The following FAT3 variants were observed in gnomAD, a reference collection of about 807,000 sequenced individuals.
The protein encoded by FAT3 is protocadherin Fat 3.
In FAT3, 95 loss-of-function variants were observed where a neutral mutation model predicts 310.2. The ratio of observed to expected loss-of-function variants is 0.31; its 90% CI spans 0.26 to 0.36. The LOEUF is 0.36. Ranked by LOEUF, FAT3 falls within the 10% of genes least tolerant of loss-of-function variation. The pLI is 1.00. For missense variants in FAT3, 5,408 were observed against 5,715.6 expected (o/e 0.95, Z 1.74); for synonymous variants, 2,314 against 2,192.9 (o/e 1.06, Z -1.54).
At chr11:92,268,577 G>A (rs986574075) in intron 1 of FAT3, among the ~76,000 whole-genome samples, 15 of 151,630 alleles carry the variant, frequency 9.9e-5, no homozygotes, top group Admixed American at 4.6e-4. Flanking sequence ...GGTTCCTTGC[G>A]TAGATAGAAG....
intron 13 of FAT3, among the ~76,000 whole-genome samples, chr11:92,818,757 T>C (rs1947886969): frequency 6.6e-6 from 1 of 152,178 alleles, no homozygotes. Flanking sequence ...AAAGCATCAG[T>C]GTGAGATTGG....
At chr11:92,305,899 T>C (rs1227705124) in intron 1 of FAT3, among the ~76,000 whole-genome samples, 1 of 152,104 alleles carries the variant, frequency 6.6e-6, no homozygotes, top group Non-Finnish European at 1.5e-5. Context: ...AATGGAACAA[T>C]TGGTAAAATT....
intron 18 of FAT3, among the ~76,000 whole-genome samples, chr11:92,843,297 T>G (rs1047920886): frequency 3.3e-5 from 5 of 152,196 alleles, no homozygotes; most frequent in Non-Finnish European, 7.4e-5. Context: ...CTCCTGAAGC[T>G]CTGCACTACT....
chr11:92,434,510 G>C (rs142390495), intron 2 of FAT3, among the ~76,000 whole-genome samples: 92 of 152,278 alleles, frequency 6.0e-4, no homozygotes, highest in African/African-American at 2.0e-3. Context: ...AGAAACCTCT[G>C]ATCAGGATGA....
At position 92,347,786 on chromosome 11, in the gene FAT3, A is replaced by G. The variant is rs368020022; in HGVS notation, c.-17-4310A>G. Among the ~76,000 whole-genome samples the G allele has an allele frequency of 2.6e-5, 4 of 152,328 alleles. No individual in the cohort carries two copies. The South Asian group carries it at 8.3e-4, about 32-fold the overall frequency. ...GATGATCTCTTTGGAGATTATATCAAAAATTATTGATTATGTTAGTAAGTC... is the reference window on the plus strand; with the variant it reads ...GATGATCTCTTTGGAGATTATATCAGAAATTATTGATTATGTTAGTAAGTC... On this transcript the variant is annotated intron_variant, in intron 1 of 27. Transcript: ENST00000525166.
Position 92,524,954 on chromosome 11 carries a change from G to A in FAT3, c.3607+6G>A. 6.2e-7 allele frequency: 1 copy of A among 1,610,816 alleles called. No homozygotes were observed. Among genetic ancestry groups the A allele is most frequent in the African/African-American group, 1.3e-5 (1 of 74,856 alleles). ...TGCCATCAATATCAAAACAGGTAAG[G>A]GAATGCTTATATGACTTCTTTTTAG... On this transcript the variant is annotated splice_donor_region_variant and intron_variant, in intron 3 of 27. Transcript: ENST00000525166.
intron 14 of FAT3, 56 bp downstream of exon 14, chr11:92,832,067 A>C: frequency 3.3e-5 from 49 of 1,470,134 alleles, no homozygotes; most frequent in Non-Finnish European, 4.0e-5. Context: ...ACGGTGGCTC[A>C]CACCTGTAAA....
At chr11:92,490,199 G>A (rs1211783956) in intron 2 of FAT3, among the ~76,000 whole-genome samples, 1 of 152,062 alleles carries the variant, frequency 6.6e-6, no homozygotes, top group South Asian at 2.1e-4. Context: ...TGGCTTATAT[G>A]CAGCTAATGA....
chr11:92,826,187 A>G (rs1206746067), intron 13 of FAT3, among the ~76,000 whole-genome samples: 2 of 152,180 alleles, frequency 1.3e-5, no homozygotes, highest in Non-Finnish European at 2.9e-5. Flanking sequence ...CTCAAAAGAA[A>G]CAAAACACTG....
intron 1 of FAT3, among the ~76,000 whole-genome samples, chr11:92,303,323 C>T (rs1947045192): frequency 6.6e-6 from 1 of 152,038 alleles, no homozygotes; most frequent in South Asian, 2.1e-4. Flanking sequence ...TCTTCCATTT[C>T]CCCTCTATTG....
At chr11:92,597,636 A>T (rs1344610403) in intron 3 of FAT3, among the ~76,000 whole-genome samples, 1 of 152,174 alleles carries the variant, frequency 6.6e-6, no homozygotes, top group Non-Finnish European at 1.5e-5. Context: ...TACATTCTGA[A>T]AAATGTAGGC....
intron 1 of FAT3, among the ~76,000 whole-genome samples, chr11:92,236,459 G>A (rs1021776117): frequency 2.0e-5 from 3 of 152,058 alleles, no homozygotes; most frequent in Non-Finnish European, 4.4e-5. Context: ...CAACACGTGA[G>A]CAGGTGCGTG....
At position 92,798,519 on chromosome 11, in the gene FAT3, A is replaced by G. The variant is rs1371644308; in HGVS notation, c.5506A>G (p.Ile1836Val). The change falls in exon 10 of 28, where the codon ATT (isoleucine) becomes GTT (valine). Residue 1836 changes from isoleucine to valine, a missense_variant. Physicochemically the swap from Ile to Val is conservative, Grantham distance 29. This residue lies in a region of FAT3 where 4,588 missense variants were observed against 4,809.8 expected (regional missense o/e 0.95). Transcript: ENST00000525166. ...VDSSTGAIRT[I>V]ANLDHETIAH... Reference sequence around the variant, plus strand: ...CTCCAGTACAGGTGCAATCAGAACAATTGCCAACCTGGACCATGAAACCAT... The same window carrying G: ...CTCCAGTACAGGTGCAATCAGAACAGTTGCCAACCTGGACCATGAAACCAT... 6.2e-7 allele frequency: 1 copy of G among 1,613,844 alleles called. No homozygotes were observed.
At chr11:92,295,944 C>T (rs1946835699) in intron 1 of FAT3, among the ~76,000 whole-genome samples, 1 of 152,226 alleles carries the variant, frequency 6.6e-6, no homozygotes, top group East Asian at 1.9e-4. Context: ...CTGACCAGGG[C>T]ACATGCAGCC....
intron 2 of FAT3, among the ~76,000 whole-genome samples, chr11:92,427,915 A>G (rs1485158791): frequency 1.3e-5 from 2 of 151,696 alleles, no homozygotes; most frequent in African/African-American, 4.8e-5. Flanking sequence ...CTTCTTTTCT[A>G]TTTCTTGGAA....
chr11:92,289,465 G>C (rs1338891671), intron 1 of FAT3, among the ~76,000 whole-genome samples: 1 of 150,356 alleles, frequency 6.7e-6, no homozygotes, highest in African/African-American at 2.5e-5. Flanking sequence ...ATAAATGGTA[G>C]CTCCAACCTC....
At chr11:92,277,422 C>T (rs1022643241) in intron 1 of FAT3, among the ~76,000 whole-genome samples, 11 of 152,096 alleles carry the variant, frequency 7.2e-5, no homozygotes, top group Admixed American at 1.3e-4. Flanking sequence ...ATGTTTATTG[C>T]AGCACGATTC....
intron 2 of FAT3, chr11:92,400,105 C>G (rs1949977964): frequency 6.6e-6 from 1 of 152,154 alleles, no homozygotes; most frequent in South Asian, 2.1e-4. Flanking sequence ...GTAGCTTTCT[C>G]TATTAACGTG....
rs574048233 is a variant in FAT3, at chr11:92,825,248, G to A, written c.9482-6374G>A. On this transcript the variant is annotated intron_variant, in intron 13 of 27. Coordinates refer to ENST00000525166, the MANE Select transcript of FAT3 (RefSeq NM_001367949.2). ...TTGGTCCCCTAGTTGTTTCTTCTGC[G>A]GTTCAACATTCATTGCTCTCTATGT... 2.6e-4 allele frequency among the ~76,000 whole-genome samples: 39 copies of A among 152,196 alleles called. 1 individual carries two copies. The highest frequency in any genetic ancestry group is 2.3e-3 in the Admixed American group (35 of 15,266).
Sources: allele counts gnomAD v4.1 joint callset (sites outside exome capture counted in the v4.1 genomes callset), GRCh38; gene constraint gnomAD v4.1.1; regional missense constraint gnomAD v4.1.1; transcripts MANE v1.5; gene names NCBI Gene and HGNC (gene_info 2026-07-23, HGNC 2026-07-21).